DSP: variants seen among roughly 807,000 people sequenced by gnomAD.
DSP encodes the protein 250/210 kDa paraneoplastic pemphigus antigen.
A neutral mutation model predicts 290.6 loss-of-function variants in DSP; 114 were observed. The ratio of observed to expected loss-of-function variants is 0.39; its 90% CI spans 0.34 to 0.46. The LOEUF is 0.46. Ranked by LOEUF, DSP falls within the 20% of genes least tolerant of loss-of-function variation. The pLI, the probability that DSP is intolerant of heterozygous loss-of-function variation, is 0.99. For synonymous variants in DSP, 1,311 were observed against 1,316.4 expected, an observed-to-expected ratio of 1.00 and a Z score of 0.09; for missense variants, 3,230 against 3,495.8, an observed-to-expected ratio of 0.92 and a Z score of 1.92.
At chr6:7,554,579 C>T (rs1170858742) in intron 1 of DSP, among the ~76,000 whole-genome samples, 1 of 152,074 alleles carries the variant, frequency 6.6e-6, no homozygotes, top group Non-Finnish European at 1.5e-5. Context: ...TTAAATTTTC[C>T]ATCACTTTCT....
Position 7,585,852 on chromosome 6 carries a change from T to C in DSP, c.8590T>C (p.Phe2864Leu), listed in dbSNP as rs764514210. ...GNSSYSYSYS[F>L]SSSSIGH The stretch of plus-strand genomic sequence containing the variant: ...TTCTTCCTACTCTTATTCCTACTCA[T>C]TTAGCAGTAGTTCTATTGGGCACTA... The change falls in exon 24 of 24, where the codon TTT becomes CTT. Residue 2864 changes from phenylalanine to leucine, a missense_variant. Physicochemically the swap from Phe to Leu is conservative, Grantham distance 22. Coordinates refer to ENST00000379802, the MANE Select transcript of DSP (RefSeq NM_004415.4). 38 of 1,613,982 alleles carry C rather than the reference T, an allele frequency of 2.4e-5. No individual in the cohort carries two copies. The Middle Eastern group carries it at 8.2e-4, about 35-fold the overall frequency.
chr6:7,570,671 T>C (rs1759019198), intron 13 of DSP, 108 bp downstream of exon 13: 2 of 1,530,306 alleles, frequency 1.3e-6, no homozygotes, highest in African/African-American at 1.4e-5. Context: ...TGCTTTTGTG[T>C]CTCGTCAAGC....
intron 13 of DSP, 71 bp downstream of exon 13, chr6:7,570,634 C>A: frequency 6.2e-7 from 1 of 1,601,728 alleles, no homozygotes; most frequent in East Asian, 2.2e-5. Context: ...CTGTGTCCAA[C>A]AGTTCAACCT....
At chr6:7,562,516 A>T (rs1375460073) in intron 4 of DSP, 136 bp from the exon 5 acceptor site, 5 of 1,520,694 alleles carry the variant, frequency 3.3e-6, no homozygotes, top group Non-Finnish European at 4.5e-6. Flanking sequence ...AACCTTTAAA[A>T]AATATTCTGG....
chr6:7,565,008 G>T lies in DSP; in HGVS notation c.778-351G>T, dbSNP rs181998126. Among the ~76,000 whole-genome samples the T allele has an allele frequency of 2.7e-3, 406 of 152,268 alleles. No individual in the cohort carries two copies. The highest frequency in any genetic ancestry group is 4.7e-3 in the Non-Finnish European group (322 of 68,016). ...AAAATACAAAAATTAGCAGGACGTG[G>T]TGGTGCATGTCTGTAATCCCACCTA... On this transcript the variant is annotated intron_variant, in intron 6 of 23. Transcript: ENST00000379802. This position sits in a 1 kb window ranked among gnomAD's most constrained non-coding sequence, Gnocchi z 4.2.
At chr6:7,567,656 C>T (rs983256375) in intron 9 of DSP, 125 bp from the exon 10 acceptor site, 18 of 1,468,536 alleles carry the variant, frequency 1.2e-5, no homozygotes, top group East Asian at 2.3e-5. Flanking sequence ...ACTTTCTGCA[C>T]GAATTTTTTC....
chr6:7,569,992 C>T (rs1323753634), intron 12 of DSP, among the ~76,000 whole-genome samples: 1 of 152,194 alleles, frequency 6.6e-6, no homozygotes, highest in Non-Finnish European at 1.5e-5. Flanking sequence ...AATATTCACT[C>T]ATTGTAGGAA....
intron 2 of DSP, 131 bp from the exon 3 acceptor site, chr6:7,557,985 A>G: frequency 8.8e-7 from 1 of 1,136,966 alleles, no homozygotes; most frequent in East Asian, 2.4e-5. Context: ...TTATCTCAAT[A>G]AGATCATTTT....
rs140368431 is a variant in DSP, at chr6:7,550,996, A to T, written c.171-4722A>T. ...AAAAAATGTGTATACGCTTGTAAGT[A>T]CATCATTTTAAAATTATTTCTTTAT... On this transcript the variant is annotated intron_variant, in intron 1 of 23. Transcript: ENST00000379802. 2.2e-3 allele frequency among the ~76,000 whole-genome samples: 329 copies of T among 152,282 alleles called. 1 individual carries two copies. The highest frequency in any genetic ancestry group is 7.8e-3 in the African/African-American group (323 of 41,554).
At chr6:7,562,056 T>G (rs955957440) in intron 4 of DSP, among the ~76,000 whole-genome samples, 4 of 152,214 alleles carry the variant, frequency 2.6e-5, no homozygotes, top group African/African-American at 9.6e-5. Context: ...CTCATGGAAA[T>G]TGAATCCTTG....
chr6:7,566,512 G>GGA, intron 8 of DSP, 31 bp downstream of exon 8: 1 of 1,315,616 alleles, frequency 7.6e-7, no homozygotes, highest in African/African-American at 1.5e-5. Flanking sequence ...ATTTTTGTTA[G>GGA]AAAAAAAAAA....
At position 7,585,178 on chromosome 6, in the gene DSP, G is replaced by A. The variant is rs116888866; in HGVS notation, c.7916G>A (p.Arg2639Gln). The change falls in exon 24 of 24, where the codon CGG becomes CAG. Residue 2639 changes from arginine to glutamine, a missense_variant. Physicochemically the swap from Arg to Gln is conservative, Grantham distance 43 (BLOSUM62 1). This residue lies in a region of DSP where 582 missense variants were observed against 555.4 expected (regional missense o/e 1.05). Transcript: ENST00000379802. Reference protein sequence around the residue: ...EKISITEGIERGIVDSITGQR... With the variant: ...EKISITEGIEQGIVDSITGQR... The stretch of plus-strand genomic sequence containing the variant: ...ATCTCCATTACAGAAGGTATAGAGC[G>A]GGGCATCGTTGACAGCATCACGGGT... 863 of 1,614,136 alleles carry A rather than the reference G, an allele frequency of 5.3e-4. 8 individuals are homozygous for A. The East Asian group carries it at 0.016, about 31-fold the overall frequency.
At chr6:7,572,173 C>A in intron 15 of DSP, 105 bp downstream of exon 15, 1 of 1,049,228 alleles carries the variant, frequency 9.5e-7, no homozygotes, top group Non-Finnish European at 1.4e-6. Flanking sequence ...AAAATATTAA[C>A]TTTCAAGAAA....
At position 7,583,270 on chromosome 6, in the gene DSP, A is replaced by C. The variant is rs1457667981; in HGVS notation, c.6008A>C (p.Glu2003Ala). The C allele has an allele frequency of 6.2e-7, 1 of 1,614,086 alleles. No individual in the cohort carries two copies. The highest frequency in any genetic ancestry group is 1.3e-5 in the African/African-American group (1 of 74,928). The part of the protein sequence containing the change: ...KLLKGKKSVE[E>A]VASEIQPFLR... ...TTGAAGGGGAAGAAGTCAGTGGAAG[A>C]AGTTGCTTCTGAAATCCAGCCATTC... Residue 2003 changes from glutamate to alanine, a missense_variant, in exon 24 of 24, where the codon GAA becomes GCA. This residue lies in a region of DSP where 1,714 missense variants were observed against 1,844.5 expected (regional missense o/e 0.93). Coordinates refer to ENST00000379802, the MANE Select transcript of DSP (RefSeq NM_004415.4). This position sits in a 1 kb window ranked among gnomAD's most constrained non-coding sequence, Gnocchi z 4.0.
chr6:7,559,226 G>C lies in DSP; in HGVS notation c.423G>C (p.Arg141Ser), dbSNP rs771688614. ...GGTTTAAAGGTTTTTTTCTTTGCAG[G>C]CTTCTTCAGCTCCAAGAGCAAATGC... ...MGQPCDAYQK[R>S]LLQLQEQMRA... Residue 141 changes from arginine (R) to serine (S), a missense_variant and splice_region_variant, in exon 4 of 24, where the codon AGG becomes AGC. By Grantham distance (110) the Arg-to-Ser change is moderately radical (BLOSUM62 -1). Around this residue, in one of 5 missense-constraint regions of DSP, gnomAD observed 646 missense variants for 684.3 expected, o/e 0.94. Coordinates refer to ENST00000379802, the MANE Select transcript of DSP (RefSeq NM_004415.4). The C allele has an allele frequency of 1.3e-5, 21 of 1,613,702 alleles. No homozygotes were observed. Among genetic ancestry groups the C allele is most frequent in the Non-Finnish European group, 1.5e-5 (18 of 1,180,000 alleles).
At chr6:7,550,780 A>C (rs2113645804) in intron 1 of DSP, among the ~76,000 whole-genome samples, 1 of 151,652 alleles carries the variant, frequency 6.6e-6, no homozygotes, top group South Asian at 2.1e-4. Context: ...GACCCAAATG[A>C]GTTGTTTTCT....
rs560539395 is a variant in DSP at position 7,565,144 on chromosome 6, G to A, written c.778-215G>A. Reference sequence around the variant, plus strand: ...GCCTGGGAGACGAGAGCGACAGTCCGTCTCAAAAAAAAAAAAGTTGCTGCC... The same window carrying A: ...GCCTGGGAGACGAGAGCGACAGTCCATCTCAAAAAAAAAAAAGTTGCTGCC... On this transcript the variant is annotated intron_variant, in intron 6 of 23. Coordinates refer to ENST00000379802, the MANE Select transcript of DSP (RefSeq NM_004415.4). This position sits in a 1 kb window ranked among gnomAD's most constrained non-coding sequence, Gnocchi z 4.2. Among the ~76,000 whole-genome samples the A allele has an allele frequency of 3.3e-5, 5 of 151,512 alleles. No homozygotes were observed. Among genetic ancestry groups the A allele is most frequent in the Admixed American group, 6.5e-5 (1 of 15,278 alleles).
chr6:7,576,667 A>C (rs560588886), intron 19 of DSP, among the ~76,000 whole-genome samples: 1 of 152,326 alleles, frequency 6.6e-6, no homozygotes, highest in Non-Finnish European at 1.5e-5. Flanking sequence ...ATAACGTGAT[A>C]TTGTTCTCTT....
Position 7,582,034 on chromosome 6 carries a change from C to T in DSP, c.5379+465C>T, listed in dbSNP as rs1254768855. Among the ~76,000 whole-genome samples, 2 of 151,872 alleles carry T rather than the reference C, an allele frequency of 1.3e-5. No individual in the cohort carries two copies. Among genetic ancestry groups the T allele is most frequent in the Admixed American group, 6.6e-5 (1 of 15,246 alleles). On this transcript the variant is annotated intron_variant, in intron 23 of 23. Coordinates refer to ENST00000379802, the MANE Select transcript of DSP (RefSeq NM_004415.4). The surrounding 1 kb of genome is among the most constrained non-coding windows in gnomAD (Gnocchi z 4.2). ...GGATTATTTAGTGTTCGCTTTTGAT[C>T]ATGGCCCTAGTGTGTTTCCTTTTGT... is the stretch of plus-strand genomic sequence containing the variant.
Sources: allele counts gnomAD v4.1 joint callset (sites outside exome capture counted in the v4.1 genomes callset), GRCh38; gene constraint gnomAD v4.1.1; regional missense constraint gnomAD v4.1.1; non-coding constraint Gnocchi (gnomAD v3.1); transcripts MANE v1.5; gene names NCBI Gene and HGNC (gene_info 2026-07-23, HGNC 2026-07-21).